LINGO2: variants seen among roughly 807,000 people sequenced by gnomAD.
LINGO2 encodes the protein leucine rich repeat and Ig domain containing 2, also known as leucine-rich repeat and immunoglobulin-like domain-containing nogo receptor-interacting protein 2.
In LINGO2, 14 loss-of-function variants were observed where a neutral mutation model predicts 30.6. The observed-to-expected ratio is 0.46, with a 90% confidence interval of 0.30 to 0.72. The LOEUF is 0.72. Among genes scored for constraint, LINGO2 ranks in the 30% least tolerant of loss-of-function variants. LINGO2 has a pLI of 0.07. For missense variants in LINGO2, 729 were observed against 751.7 expected (o/e 0.97, Z 0.35); for synonymous variants, 317 against 288.5 (o/e 1.10, Z -1.00).
intron 5 of LINGO2, among the ~76,000 whole-genome samples, chr9:28,010,660 C>T (rs1236535355): frequency 6.6e-6 from 1 of 152,166 alleles, no homozygotes; most frequent in Non-Finnish European, 1.5e-5. Context: ...GTTTTAAAAT[C>T]AATCAAGGCT....
chr9:28,785,171 G>C, the LINGO2 span, among the ~76,000 whole-genome samples: 1 of 152,140 alleles, frequency 6.6e-6, no homozygotes, highest in African/African-American at 2.4e-5. Context: ...AGAACCAGAG[G>C]AAAGTAGTTT....
chr9:28,106,185 C>CCCCTCCGAGTCCG (rs1423520656), intron 4 of LINGO2, among the ~76,000 whole-genome samples: 1 of 152,106 alleles, frequency 6.6e-6, no homozygotes, highest in Non-Finnish European at 1.5e-5. Flanking sequence ...CGTGGAAAAA[C>CCCCTCCGAGTCCG]TGTTTTCCAT....
At position 28,362,965 on chromosome 9, in the gene LINGO2, A is replaced by G. The variant is rs186457343; in HGVS notation, c.-246+9871T>C. 1.5e-3 allele frequency among the ~76,000 whole-genome samples: 229 copies of G among 152,362 alleles called. 1 individual carries two copies. Among genetic ancestry groups the G allele is most frequent in the Admixed American group, 4.1e-3 (62 of 15,294 alleles). ...AAGAACTTAAGGGAACTGCTTATAC[A>G]TATGGTCAAAGTGTAGAGTGTGAAA... On this transcript the variant is annotated intron_variant, in intron 3 of 5. Transcript: ENST00000379992.
intron 4 of LINGO2, among the ~76,000 whole-genome samples, chr9:28,196,251 C>A (rs897860173): frequency 6.6e-6 from 1 of 151,184 alleles, no homozygotes; most frequent in East Asian, 1.9e-4. Flanking sequence ...TAATATTGAC[C>A]TAGTGGTACT....
intron 5 of LINGO2, among the ~76,000 whole-genome samples, chr9:27,955,747 T>C (rs1262157404): frequency 6.6e-6 from 1 of 152,064 alleles, no homozygotes; most frequent in Non-Finnish European, 1.5e-5. Context: ...ATAAACATCT[T>C]TGTGCATACT....
chr9:28,946,615 G>A, the LINGO2 span, among the ~76,000 whole-genome samples: 1 of 152,128 alleles, frequency 6.6e-6, no homozygotes, highest in Non-Finnish European at 1.5e-5. Flanking sequence ...CTATTAAAAA[G>A]TGAAACCATA....
At chr9:28,257,584 A>G (rs1171619820) in intron 4 of LINGO2, among the ~76,000 whole-genome samples, 1 of 151,918 alleles carries the variant, frequency 6.6e-6, no homozygotes, top group Non-Finnish European at 1.5e-5. Context: ...GTAAGATAAC[A>G]TTTTGGCAAT....
At chr9:28,702,677 CT>C in the LINGO2 span, among the ~76,000 whole-genome samples, 2 of 151,820 alleles carry the variant, frequency 1.3e-5, no homozygotes, top group Non-Finnish European at 2.9e-5. Flanking sequence ...ATTTCCTTCA[CT>C]TTTATTTTCT....
At chr9:28,374,493 G>A (rs1368020158) in intron 2 of LINGO2, among the ~76,000 whole-genome samples, 4 of 151,902 alleles carry the variant, frequency 2.6e-5, no homozygotes, top group East Asian at 3.9e-4. Flanking sequence ...ACACAAGGCC[G>A]ATCACTGAAA....
intron 4 of LINGO2, among the ~76,000 whole-genome samples, chr9:28,182,594 C>G (rs1427428169): frequency 6.6e-6 from 1 of 152,078 alleles, no homozygotes; most frequent in African/African-American, 2.4e-5. Context: ...CCAGAATTTA[C>G]AAGGAACTTA....
chr9:28,500,759 A>C (rs1311894672), intron 1 of LINGO2, among the ~76,000 whole-genome samples: 1 of 152,138 alleles, frequency 6.6e-6, no homozygotes, highest in Non-Finnish European at 1.5e-5. Context: ...AATGAGAAAA[A>C]TAAGATGGCT....
At chr9:28,734,441 A>G in the LINGO2 span, among the ~76,000 whole-genome samples, 1 of 152,132 alleles carries the variant, frequency 6.6e-6, no homozygotes, top group African/African-American at 2.4e-5. Flanking sequence ...TGACGGCAGG[A>G]AACTGAAATT....
chr9:28,369,989 C>A (rs75551864), intron 3 of LINGO2, among the ~76,000 whole-genome samples: 1 of 152,002 alleles, frequency 6.6e-6, no homozygotes, highest in African/African-American at 2.4e-5. Context: ...AATCTAAACA[C>A]GACACTTTGA....
At chr9:28,629,994 T>G (rs1306408934) in intron 1 of LINGO2, among the ~76,000 whole-genome samples, 1 of 148,272 alleles carries the variant, frequency 6.7e-6, no homozygotes, top group Non-Finnish European at 1.5e-5. Context: ...CATTGTTCAA[T>G]TCCCACCTAT....
intron 4 of LINGO2, among the ~76,000 whole-genome samples, chr9:28,265,259 G>A (rs1176368426): frequency 6.6e-6 from 1 of 151,794 alleles, no homozygotes; most frequent in Admixed American, 6.6e-5. Flanking sequence ...CTCTTCTGAG[G>A]ATAAAAAGGC....
At chr9:28,906,621 A>G in the LINGO2 span, among the ~76,000 whole-genome samples, 4 of 151,898 alleles carry the variant, frequency 2.6e-5, 1 homozygote, top group Admixed American at 2.0e-4. Flanking sequence ...TCCATCTACA[A>G]AAGTCACCAG....
chr9:29,081,709 A>C, the LINGO2 span, among the ~76,000 whole-genome samples: 1 of 152,184 alleles, frequency 6.6e-6, no homozygotes, highest in African/African-American at 2.4e-5. Flanking sequence ...AAATCTCCTT[A>C]AGCCGATAGG....
In LINGO2 at chr9:28,300,024, C is replaced by A. The variant is rs147395392; in HGVS notation, c.-245-4658G>T. On this transcript the variant is annotated intron_variant, in intron 3 of 5. Coordinates refer to ENST00000379992, the Ensembl canonical transcript of LINGO2. ...AGGTTTTATTTCATAAAGAAGATACCAAAGCCAACAAACAAAATAACAGGA... is the reference window on the plus strand; with the variant it reads ...AGGTTTTATTTCATAAAGAAGATACAAAAGCCAACAAACAAAATAACAGGA... Among the ~76,000 whole-genome samples the A allele has an allele frequency of 3.8e-3, 560 of 149,264 alleles. 4 individuals are homozygous for A. The highest frequency in any genetic ancestry group is 0.012 in the African/African-American group (493 of 40,578).
chr9:28,092,128 G>C (rs988238370), intron 4 of LINGO2, among the ~76,000 whole-genome samples: 1 of 152,162 alleles, frequency 6.6e-6, no homozygotes, highest in Admixed American at 6.5e-5. Flanking sequence ...CACTGTGGAA[G>C]ACAGTATGGC....
Sources: gnomAD v4.1 joint callset for allele counts (sites outside exome capture counted in the v4.1 genomes callset) on GRCh38, gnomAD v4.1.1 for gene constraint, MANE v1.5 for transcripts, NCBI Gene and HGNC (gene_info 2026-07-23, HGNC 2026-07-21) for gene names.